ZAP70: variants seen among roughly 807,000 people sequenced by gnomAD.
ZAP70 encodes the protein zeta chain of T cell receptor associated protein kinase 70.
Under a neutral mutation model 65.8 loss-of-function variants are expected in ZAP70, and 27 were observed. The ratio of observed to expected loss-of-function variants is 0.41; its 90% CI spans 0.30 to 0.57. The LOEUF (loss-of-function observed/expected upper bound fraction) is 0.57, where lower values mean the gene tolerates loss of function less well. Ranked by LOEUF, ZAP70 falls within the 20% of genes least tolerant of loss-of-function variation. The pLI is 0.28. For synonymous variants in ZAP70, 363 were observed against 360.8 expected (o/e 1.01, Z -0.07); for missense variants, 696 against 870.5 (o/e 0.80, Z 2.52).
chr2:97,745,081 C>T, the ZAP70 span, among the ~76,000 whole-genome samples: 1 of 152,190 alleles, frequency 6.6e-6, no homozygotes, highest in Non-Finnish European at 1.5e-5. Flanking sequence ...CTCTGTCCCC[C>T]AGGCTGGACT....
chr2:97,724,987 C>CCCT (rs1677322492), intron 3 of ZAP70, 105 bp from the exon 4 acceptor site: 1 of 1,563,636 alleles, frequency 6.4e-7, no homozygotes, highest in African/African-American at 1.4e-5. Flanking sequence ...GCGCTAGGGA[C>CCCT]GCCTGGGTGG....
At chr2:97,735,855 T>C (rs1677856497) in intron 10 of ZAP70, among the ~76,000 whole-genome samples, 1 of 151,972 alleles carries the variant, frequency 6.6e-6, no homozygotes, top group Non-Finnish European at 1.5e-5. Context: ...TTACTAAAAA[T>C]ACAAAAGATT....
chr2:97,720,504 C>T (rs954795758), intron 2 of ZAP70, among the ~76,000 whole-genome samples: 1 of 152,058 alleles, frequency 6.6e-6, no homozygotes, highest in Non-Finnish European at 1.5e-5. Flanking sequence ...TGTGGGCCAC[C>T]GGGCCCAGCC....
intron 2 of ZAP70, among the ~76,000 whole-genome samples, chr2:97,720,643 C>T (rs552318856): frequency 1.3e-5 from 2 of 152,328 alleles, no homozygotes; most frequent in Non-Finnish European, 2.9e-5. Flanking sequence ...TGAGCCACTT[C>T]GCCCAGCCGC....
At chr2:97,735,497 G>A (rs764132305) in intron 10 of ZAP70, 41 bp downstream of exon 10, 10 of 1,585,890 alleles carry the variant, frequency 6.3e-6, no homozygotes, top group South Asian at 5.6e-5. Flanking sequence ...GGGTGGGGCC[G>A]GGGCCCATCC....
Position 97,739,659 on chromosome 2 carries a change from GC to G in ZAP70, c.*166del. 3.4e-6 allele frequency: 4 copies of G among 1,163,596 alleles called. No homozygotes were observed. Among genetic ancestry groups the G allele is most frequent in the Admixed American group, 4.5e-5 (2 of 44,126 alleles). 72.1% of individuals were successfully genotyped at this position (1,163,596 alleles called of 1,614,324 possible). A position where few individuals can be genotyped will look rare whatever the true frequency, so the allele number is the denominator to read the frequency against. On this transcript the variant is annotated 3_prime_UTR_variant, in exon 14 of 14. Coordinates refer to ENST00000264972, the MANE Select transcript of ZAP70 (RefSeq NM_001079.4). ...ACACCGGCCTTGCATTGCCTGCCTG[GC>G]CCCCTGTCCTCTCTGGCTGGGGAGC...
At chr2:97,755,703 C>T in the ZAP70 span, among the ~76,000 whole-genome samples, 18 of 152,172 alleles carry the variant, frequency 1.2e-4, no homozygotes, top group South Asian at 2.1e-4. Flanking sequence ...CCAGGCTGCC[C>T]GAGTCCCTGC....
At chr2:97,748,732 A>G in the ZAP70 span, among the ~76,000 whole-genome samples, 1 of 152,216 alleles carries the variant, frequency 6.6e-6, no homozygotes, top group East Asian at 1.9e-4. Flanking sequence ...CCCAGCATGC[A>G]CTCTCCAAGG....
the ZAP70 span, among the ~76,000 whole-genome samples, chr2:97,750,887 C>T: frequency 6.6e-6 from 1 of 152,194 alleles, no homozygotes. Context: ...GCAGAGTGGT[C>T]TCGTTTATGG....
intron 4 of ZAP70, among the ~76,000 whole-genome samples, chr2:97,729,904 C>A (rs1177524706): frequency 1.3e-5 from 2 of 152,118 alleles, no homozygotes; most frequent in Non-Finnish European, 2.9e-5. Flanking sequence ...GTGCTGTATT[C>A]ATACCCTGAA....
In ZAP70 at chr2:97,720,216, T is replaced by TTTTTG. The variant is rs570370321; in HGVS notation, c.-21-3774_-21-3770dup. Among the ~76,000 whole-genome samples the TTTTTG allele has an allele frequency of 2.5e-3, 375 of 152,120 alleles. 6 individuals carry two copies. The South Asian group carries it at 0.05, about 20-fold the overall frequency. ...GAATACCTAGGAGCCTTCATGGGTT[T>TTTTTG]TTTTGTTTTGTTTTGTTTTGTTTTG... On this transcript the variant is annotated intron_variant, in intron 2 of 13. Coordinates refer to ENST00000264972, the MANE Select transcript of ZAP70 (RefSeq NM_001079.4).
chr2:97,730,649 G>A (rs1202188617), intron 4 of ZAP70, among the ~76,000 whole-genome samples: 1 of 152,112 alleles, frequency 6.6e-6, no homozygotes, highest in African/African-American at 2.4e-5. Flanking sequence ...AGAGGAGGAG[G>A]CCCCACCTAT....
chr2:97,753,259 T>C, the ZAP70 span, among the ~76,000 whole-genome samples: 2 of 152,352 alleles, frequency 1.3e-5, no homozygotes, highest in South Asian at 2.1e-4. Context: ...TAACTGTTGA[T>C]CGTCATTATA....
rs1676865802 is a variant in ZAP70, at chr2:97,715,356, G to A, written c.-22+1362G>A. Among the ~76,000 whole-genome samples, 3 of 152,182 alleles carry A rather than the reference G, an allele frequency of 2.0e-5. No homozygotes were observed. The highest frequency in any genetic ancestry group is 2.0e-4 in the Admixed American group (3 of 15,276). Reference sequence around the variant, plus strand: ...TCCTGTGAACAGCCTACAAGGCCCAGGACAGTCCCACCCTGTTCCATTGTC... The same window carrying A: ...TCCTGTGAACAGCCTACAAGGCCCAAGACAGTCCCACCCTGTTCCATTGTC... On this transcript the variant is annotated intron_variant, in intron 2 of 13. Transcript: ENST00000264972. This position sits in a 1 kb window ranked among gnomAD's most constrained non-coding sequence, Gnocchi z 4.1.
At chr2:97,721,538 C>A (rs187161755) in intron 2 of ZAP70, among the ~76,000 whole-genome samples, 5 of 150,780 alleles carry the variant, frequency 3.3e-5, no homozygotes, top group African/African-American at 9.7e-5. Flanking sequence ...CTTGGCCTCC[C>A]GAGTAGCTGG....
chr2:97,751,987 C>G, the ZAP70 span, among the ~76,000 whole-genome samples: 1 of 152,170 alleles, frequency 6.6e-6, no homozygotes, highest in Non-Finnish European at 1.5e-5. Flanking sequence ...CTCAGCAGGG[C>G]CAAACAAACC....
chr2:97,733,083 G>C (rs201835107), intron 5 of ZAP70, 42 bp from the exon 6 acceptor site: 7 of 1,614,010 alleles, frequency 4.3e-6, no homozygotes, highest in Non-Finnish European at 5.9e-6. Context: ...CCGGGCTCTG[G>C]GGAGGAGAGG....
chr2:97,737,915 C>T lies in ZAP70; in HGVS notation c.1623+18C>T. The T allele has an allele frequency of 6.2e-7, 1 of 1,614,064 alleles. No individual in the cohort carries two copies. The highest frequency in any genetic ancestry group is 1.1e-5 in the South Asian group (1 of 91,084). The stretch of plus-strand genomic sequence containing the variant: ...CCTACAAGGCAGGCGCGGGCAGAGG[C>T]AGGTGGGCGGTGTGGTGGGGAGGGG... On this transcript the variant is annotated intron_variant, in intron 12 of 13. Coordinates refer to ENST00000264972, the MANE Select transcript of ZAP70 (RefSeq NM_001079.4). This position sits in a 1 kb window ranked among gnomAD's most constrained non-coding sequence, Gnocchi z 5.0.
At chr2:97,739,026 A>G (rs1430735816) in intron 13 of ZAP70, among the ~76,000 whole-genome samples, 5 of 152,250 alleles carry the variant, frequency 3.3e-5, no homozygotes, top group Middle Eastern at 3.4e-3. Context: ...CCCCAGGTGC[A>G]TGCACAGAGC....
Sources: gnomAD v4.1 joint callset for allele counts (sites outside exome capture counted in the v4.1 genomes callset) on GRCh38, gnomAD v4.1.1 for gene constraint, Gnocchi (gnomAD v3.1) non-coding constraint, MANE v1.5 for transcripts, NCBI Gene and HGNC (gene_info 2026-07-23, HGNC 2026-07-21) for gene names.